IL1RAPL1: variants seen among roughly 807,000 people sequenced by gnomAD.
IL1RAPL1 encodes interleukin 1 receptor accessory protein like 1, also known as interleukin-1 receptor accessory protein-like 1.
Under a neutral mutation model 48.4 loss-of-function variants are expected in IL1RAPL1, and 3 were observed. That is an observed-to-expected ratio of 0.06 (90% CI 0.03 to 0.16). IL1RAPL1 has a LOEUF of 0.16. Among genes scored for constraint, IL1RAPL1 ranks in the 10% least tolerant of loss-of-function variants. The pLI is 1.00. For missense variants in IL1RAPL1, 349 were observed against 530.6 expected, an observed-to-expected ratio of 0.66 and a Z score of 3.36; for synonymous variants, 185 against 187.7, an observed-to-expected ratio of 0.99 and a Z score of 0.12.
intron 2 of IL1RAPL1, among the ~76,000 whole-genome samples, chrX:28,806,787 A>G (rs747542701): frequency 1.8e-5 from 2 of 111,231 alleles, no homozygotes; most frequent in South Asian, 3.7e-4. Context: ...TCAATTTTTA[A>G]TGATACATGA....
intron 2 of IL1RAPL1, among the ~76,000 whole-genome samples, chrX:28,819,967 G>GATATATATATATATAT (rs764635166): frequency 3.7e-5 from 1 of 26,733 alleles, no homozygotes; most frequent in African/African-American, 8.4e-5. Context: ...TAAACATAGT[G>GATATATATATATATAT]ATATATATAT....
intron 1 of IL1RAPL1, among the ~76,000 whole-genome samples, chrX:28,700,402 C>G (rs1935281530): frequency 9.0e-6 from 1 of 111,009 alleles, no homozygotes; most frequent in African/African-American, 3.3e-5. Context: ...ACTCATCATT[C>G]TTATGAAGCA....
chrX:29,945,532 C>T (rs1438018790), intron 9 of IL1RAPL1, among the ~76,000 whole-genome samples: 2 of 112,223 alleles, frequency 1.8e-5, no homozygotes, highest in Non-Finnish European at 3.8e-5. Flanking sequence ...TAATAATATC[C>T]TACTATAGCA....
chrX:28,766,217 G>C (rs1456760964), intron 1 of IL1RAPL1, among the ~76,000 whole-genome samples: 1 of 110,760 alleles, frequency 9.0e-6, no homozygotes, highest in African/African-American at 3.3e-5. Flanking sequence ...AGAGAAAAGG[G>C]ATTTGGAGAG....
intron 2 of IL1RAPL1, among the ~76,000 whole-genome samples, chrX:28,846,711 G>A (rs1921518997): frequency 8.9e-6 from 1 of 111,825 alleles, no homozygotes; most frequent in Admixed American, 9.5e-5. Flanking sequence ...GATAGCATCT[G>A]GTTAAAATCA....
chrX:29,374,939 A>T (rs1009301258), intron 3 of IL1RAPL1, among the ~76,000 whole-genome samples: 2 of 109,787 alleles, frequency 1.8e-5, no homozygotes, highest in African/African-American at 6.7e-5. Flanking sequence ...TACATTTCAA[A>T]GTCCAGATAA....
rs190395894 is a variant in IL1RAPL1, at chrX:28,633,662, G to A, written c.-25+45615G>A. On this transcript the variant is annotated intron_variant, in intron 1 of 10. Transcript: ENST00000378993. ...ATGTGTTTTCTTGAAAACTGCTGCT[G>A]TAACATATCTGTTTTGCTACTAAAG... Among the ~76,000 whole-genome samples, 23 of 112,153 alleles carry A rather than the reference G, an allele frequency of 2.1e-4. 1 individual carries two copies. Among genetic ancestry groups the A allele is most frequent in the African/African-American group, 7.1e-4 (22 of 30,918 alleles).
At chrX:28,673,632 A>G (rs2086511240) in intron 1 of IL1RAPL1, among the ~76,000 whole-genome samples, 1 of 111,418 alleles carries the variant, frequency 9.0e-6, no homozygotes, top group Non-Finnish European at 1.9e-5. Flanking sequence ...GCTGAGCAGC[A>G]TGGCAGCACT....
At chrX:29,034,007 A>C (rs754428080) in intron 2 of IL1RAPL1, among the ~76,000 whole-genome samples, 1 of 111,889 alleles carries the variant, frequency 8.9e-6, no homozygotes, top group Non-Finnish European at 1.9e-5. Flanking sequence ...ACATAAATTT[A>C]TTCCAAATAA....
At chrX:28,771,952 A>AG (rs1936313170) in intron 1 of IL1RAPL1, among the ~76,000 whole-genome samples, 1 of 109,336 alleles carries the variant, frequency 9.1e-6, no homozygotes, top group Non-Finnish European at 1.9e-5. Flanking sequence ...AAAAAAAAAA[A>AG]AAAAAAAGAA....
At chrX:29,367,986 C>T (rs1933489986) in intron 3 of IL1RAPL1, among the ~76,000 whole-genome samples, 1 of 110,348 alleles carries the variant, frequency 9.1e-6, no homozygotes, top group Non-Finnish European at 1.9e-5. Flanking sequence ...GTATTTACTA[C>T]ATATATATGT....
At chrX:29,847,126 CA>C (rs1429742096) in intron 6 of IL1RAPL1, among the ~76,000 whole-genome samples, 1 of 111,559 alleles carries the variant, frequency 9.0e-6, no homozygotes, top group East Asian at 2.8e-4. Context: ...TCATTTGAGT[CA>C]AATGTAGAAA....
At chrX:29,285,888 T>C (rs1309584139) in intron 3 of IL1RAPL1, among the ~76,000 whole-genome samples, 1 of 111,783 alleles carries the variant, frequency 8.9e-6, no homozygotes, top group African/African-American at 3.3e-5. Context: ...GCTCAAGGGC[T>C]GTCAGTTGAG....
intron 6 of IL1RAPL1, among the ~76,000 whole-genome samples, chrX:29,769,427 GTTTTTTTTTTTTTTTTT>G (rs749403144): frequency 1.9e-4 from 5 of 25,886 alleles, no homozygotes; most frequent in East Asian, 2.0e-3. Flanking sequence ...CTGCCAAACA[GTTTTTTTTTTTTTTTTT>G]TTTTTTTTTT....
rs1420920746 is a variant in IL1RAPL1 at position 28,643,830 on chromosome X, A to T, written c.-25+55783A>T. Among the ~76,000 whole-genome samples the T allele has an allele frequency of 5.4e-5, 6 of 111,910 alleles. No individual in the cohort carries two copies. The East Asian group carries it at 1.7e-3, about 31-fold the overall frequency. Reference sequence around the variant, plus strand: ...TCCCAAATCCCTCTCTTCAGCTGCCAGCTGTCTCATTCCTCTTTATCTCTT... The same window carrying T: ...TCCCAAATCCCTCTCTTCAGCTGCCTGCTGTCTCATTCCTCTTTATCTCTT... On this transcript the variant is annotated intron_variant, in intron 1 of 10. Transcript: ENST00000378993.
At chrX:28,695,086 G>A (rs1255532608) in intron 1 of IL1RAPL1, among the ~76,000 whole-genome samples, 1 of 111,523 alleles carries the variant, frequency 9.0e-6, no homozygotes, top group Non-Finnish European at 1.9e-5. Context: ...AATAACTGAA[G>A]TACTCCACAC....
At chrX:29,184,982 A>G (rs909211189) in intron 2 of IL1RAPL1, among the ~76,000 whole-genome samples, 3 of 112,254 alleles carry the variant, frequency 2.7e-5, no homozygotes, top group African/African-American at 9.7e-5. Context: ...TATGAGATGT[A>G]CTGTGTTGTT....
chrX:29,198,605 T>C (rs1305269802), intron 2 of IL1RAPL1, among the ~76,000 whole-genome samples: 1 of 110,720 alleles, frequency 9.0e-6, no homozygotes, highest in Non-Finnish European at 1.9e-5. Context: ...GATTTTAGAG[T>C]TTTCATGCAT....
chrX:29,803,360 TACACATATGTATATATGTATAC>T (rs1181430753), intron 6 of IL1RAPL1, among the ~76,000 whole-genome samples: 27 of 85,637 alleles, frequency 3.2e-4, no homozygotes, highest in African/African-American at 8.9e-4. Context: ...TATACATGTA[TACACATATGTATATATGTATAC>T]ATGTATACAC....
Sources: gnomAD v4.1 joint callset for allele counts (sites outside exome capture counted in the v4.1 genomes callset) on GRCh38, gnomAD v4.1.1 for gene constraint, MANE v1.5 for transcripts, NCBI Gene and HGNC (gene_info 2026-07-23, HGNC 2026-07-21) for gene names.